Variants in TAFA1 observed in about 807,000 individuals in gnomAD.
The protein encoded by TAFA1 is TAFA chemokine like family member 1.
In TAFA1, 4 loss-of-function variants were observed where a neutral mutation model predicts 18.5. The ratio of observed to expected loss-of-function variants is 0.22; its 90% CI spans 0.11 to 0.49. The LOEUF is 0.49. Among genes scored for constraint, TAFA1 ranks in the 20% least tolerant of loss-of-function variants. The probability of loss-of-function intolerance (pLI) is 0.98; values close to 1 mark genes in which losing one functional copy is unlikely to be tolerated. For missense variants in TAFA1, 147 were observed against 169.0 expected (o/e 0.87, Z 0.72); for synonymous variants, 56 against 55.2 (o/e 1.01, Z -0.06).
chr3:68,339,364 T>C (rs1236028922), intron 2 of TAFA1, among the ~76,000 whole-genome samples: 1 of 152,240 alleles, frequency 6.6e-6, no homozygotes, highest in Admixed American at 6.5e-5. Flanking sequence ...GAGACTTGTA[T>C]GATTAGAGAC....
At chr3:68,223,404 TACA>T (rs1469375527) in intron 2 of TAFA1, among the ~76,000 whole-genome samples, 2 of 152,220 alleles carry the variant, frequency 1.3e-5, no homozygotes, top group Non-Finnish European at 2.9e-5. Flanking sequence ...ACTGAATATT[TACA>T]ACAAGTTAAC....
intron 2 of TAFA1, among the ~76,000 whole-genome samples, chr3:68,279,821 A>G (rs1320900797): frequency 1.3e-5 from 2 of 152,192 alleles, no homozygotes; most frequent in African/African-American, 2.4e-5. Flanking sequence ...CACAGTACAT[A>G]TAACAGTGGG....
At chr3:68,235,818 C>T (rs1356009340) in intron 2 of TAFA1, among the ~76,000 whole-genome samples, 2 of 152,100 alleles carry the variant, frequency 1.3e-5, no homozygotes, top group African/African-American at 4.8e-5. Flanking sequence ...AGAACCACTT[C>T]ACACATGAAA....
intron 4 of TAFA1, among the ~76,000 whole-genome samples, chr3:68,541,849 C>T (rs1331096848): frequency 6.6e-6 from 1 of 152,104 alleles, no homozygotes; most frequent in African/African-American, 2.4e-5. Flanking sequence ...AAATAATCAT[C>T]CTGAACAAAA....
chr3:68,405,697 C>A, intron 2 of TAFA1, among the ~76,000 whole-genome samples: 1 of 33,488 alleles, frequency 3.0e-5, no homozygotes, highest in Non-Finnish European at 5.5e-5. Context: ...GAGACTCTAT[C>A]TCAAAAAAAA....
chr3:68,513,971 C>T (rs2072884652), intron 3 of TAFA1, among the ~76,000 whole-genome samples: 1 of 152,086 alleles, frequency 6.6e-6, no homozygotes, highest in African/African-American at 2.4e-5. Context: ...GTTGTGGAAG[C>T]TGGAAAGTTA....
At chr3:68,451,757 C>A (rs529567027) in intron 3 of TAFA1, among the ~76,000 whole-genome samples, 1 of 152,128 alleles carries the variant, frequency 6.6e-6, no homozygotes, top group East Asian at 1.9e-4. Context: ...GGGATCAGAG[C>A]CATCTGTTAA....
At chr3:68,081,133 G>A (rs1178717984) in intron 2 of TAFA1, among the ~76,000 whole-genome samples, 3 of 152,042 alleles carry the variant, frequency 2.0e-5, no homozygotes, top group East Asian at 1.9e-4. Context: ...CATTCTTCAC[G>A]TAGTTCTCGA....
chr3:68,261,930 C>CAA (rs11432701), intron 2 of TAFA1, among the ~76,000 whole-genome samples: 58 of 148,842 alleles, frequency 3.9e-4, no homozygotes, highest in African/African-American at 1.3e-3. Flanking sequence ...AATAAAATTA[C>CAA]AAAAAAAAGA....
In TAFA1 at chr3:68,329,164, T is replaced by G. The variant is rs532557059; in HGVS notation, c.119-88116T>G. On this transcript the variant is annotated intron_variant, in intron 2 of 4. Coordinates refer to ENST00000478136, the MANE Select transcript of TAFA1 (RefSeq NM_213609.4). ...CCCGGGTTCAAGCAATTCTTTTGCC[T>G]CAGCCTCCTGAGTAGCTGGGATTAC... is the stretch of plus-strand genomic sequence containing the variant. Among the ~76,000 whole-genome samples, 172 of 143,108 alleles carry G rather than the reference T, an allele frequency of 1.2e-3. 1 individual carries two copies. The highest frequency in any genetic ancestry group is 4.1e-3 in the African/African-American group (164 of 39,666). The allele number at this position is 143,108 out of a possible 152,430, so 93.9% of individuals were successfully genotyped here.
intron 2 of TAFA1, among the ~76,000 whole-genome samples, chr3:68,113,897 G>GTTTT (rs35158174): frequency 5.5e-5 from 1 of 18,052 alleles, no homozygotes; most frequent in African/African-American, 1.8e-4. Flanking sequence ...AGTTTTTTTT[G>GTTTT]TTTTTTTTTT....
chr3:68,171,624 T>C (rs535925517), intron 2 of TAFA1, among the ~76,000 whole-genome samples: 1 of 152,278 alleles, frequency 6.6e-6, no homozygotes, highest in South Asian at 2.1e-4. Flanking sequence ...AAGATGTATG[T>C]TGGACTTACT....
chr3:67,996,788 C>T, the TAFA1 span, among the ~76,000 whole-genome samples: 2 of 126,434 alleles, frequency 1.6e-5, no homozygotes, highest in Non-Finnish European at 3.3e-5. Context: ...AGCAAAACTC[C>T]ACCTCAAAAA....
intron 2 of TAFA1, among the ~76,000 whole-genome samples, chr3:68,085,717 T>A (rs1335650221): frequency 6.6e-6 from 1 of 152,206 alleles, no homozygotes; most frequent in Non-Finnish European, 1.5e-5. Context: ...TCCTGTCACA[T>A]ATTTAGAAAT....
At chr3:68,002,336 G>A (rs1704292396), upstream of TAFA1, among the ~76,000 whole-genome samples, 1 of 152,178 alleles carries the variant, frequency 6.6e-6, no homozygotes, top group African/African-American at 2.4e-5. Flanking sequence ...TGTCAGCAAT[G>A]CCTATCTGAA....
Position 68,322,247 on chromosome 3 carries a change from C to T in TAFA1, c.119-95033C>T, listed in dbSNP as rs1464099259. On this transcript the variant is annotated intron_variant, in intron 2 of 4. Coordinates refer to ENST00000478136, the MANE Select transcript of TAFA1 (RefSeq NM_213609.4). Reference sequence around the variant, plus strand: ...GCTTCAAGCTCCATAATTATTTTGACATAAAAATAGTATTTTAACATACTC... The same window carrying T: ...GCTTCAAGCTCCATAATTATTTTGATATAAAAATAGTATTTTAACATACTC... Among the ~76,000 whole-genome samples the T allele has an allele frequency of 2.6e-5, 4 of 152,166 alleles. No individual in the cohort carries two copies. In the East Asian group the frequency reaches 7.7e-4, roughly 29 times the overall value.
At chr3:68,001,365 T>C (rs1704281850), upstream of TAFA1, among the ~76,000 whole-genome samples, 1 of 152,222 alleles carries the variant, frequency 6.6e-6, no homozygotes, top group African/African-American at 2.4e-5. Context: ...GTTATCTTTT[T>C]TTCCAGCCTA....
intron 2 of TAFA1, among the ~76,000 whole-genome samples, chr3:68,073,286 T>TAGAAAGAAGAAATCCCTCA (rs1376318873): frequency 6.6e-6 from 1 of 152,216 alleles, no homozygotes; most frequent in Non-Finnish European, 1.5e-5. Context: ...TCTTACATGT[T>TAGAAAGAAGAAATCCCTCA]AGAAAGAAGA....
intron 2 of TAFA1, among the ~76,000 whole-genome samples, chr3:68,032,928 G>A (rs1704968774): frequency 1.3e-5 from 2 of 152,062 alleles, no homozygotes; most frequent in South Asian, 4.1e-4. Flanking sequence ...TGTTCAACTT[G>A]TTTCTTCTCG....
Sources: allele counts gnomAD v4.1 joint callset (sites outside exome capture counted in the v4.1 genomes callset), GRCh38; gene constraint gnomAD v4.1.1; transcripts MANE v1.5; gene names NCBI Gene and HGNC (gene_info 2026-07-23, HGNC 2026-07-21).